FRMPD4: variants seen among roughly 807,000 people sequenced by gnomAD.
FRMPD4 encodes FERM and PDZ domain containing 4.
FRMPD4 carries 22 observed loss-of-function variants against 94.1 expected under a neutral mutation model. The ratio of observed to expected loss-of-function variants is 0.23; its 90% confidence interval spans 0.17 to 0.33. FRMPD4 has a LOEUF of 0.33. Ranked by LOEUF, FRMPD4 falls within the 10% of genes least tolerant of loss-of-function variation. The probability of loss-of-function intolerance (pLI) is 1.00; values close to 1 mark genes in which losing one functional copy is unlikely to be tolerated. For missense variants in FRMPD4, 1,111 were observed against 1,339.9 expected (o/e 0.83, Z 2.67); for synonymous variants, 631 against 548.6 (o/e 1.15, Z -2.10).
At chrX:11,880,923 G>T (rs151127315) in intron 3 of FRMPD4, among the ~76,000 whole-genome samples, 1 of 112,255 alleles carries the variant, frequency 8.9e-6, no homozygotes, top group Non-Finnish European at 1.9e-5. Context: ...GATTACAGGC[G>T]TGAGCCACTG....
At chrX:12,464,574 G>A (rs2057429141) in intron 1 of FRMPD4, among the ~76,000 whole-genome samples, 1 of 111,622 alleles carries the variant, frequency 9.0e-6, no homozygotes, top group South Asian at 3.8e-4. Context: ...TCCCAAATAG[G>A]AACATCTATT....
upstream of FRMPD4, among the ~76,000 whole-genome samples, chrX:12,137,353 T>G (rs2055610497): frequency 8.8e-6 from 1 of 113,023 alleles, no homozygotes; most frequent in Non-Finnish European, 1.9e-5. Context: ...TACTGAAGAC[T>G]TTAAATATAA....
At chrX:12,219,674 A>G (rs1397129377) in intron 1 of FRMPD4, among the ~76,000 whole-genome samples, 1 of 112,194 alleles carries the variant, frequency 8.9e-6, no homozygotes, top group Non-Finnish European at 1.9e-5. Flanking sequence ...ACAATGTTTT[A>G]TGTACCATAC....
intron 1 of FRMPD4, among the ~76,000 whole-genome samples, chrX:12,347,914 A>G (rs1480920529): frequency 9.0e-6 from 1 of 111,693 alleles, no homozygotes; most frequent in African/African-American, 3.3e-5. Context: ...AAATTTTTCC[A>G]AGCAGAATGA....
chrX:12,616,728 T>A (rs996121114), intron 4 of FRMPD4, among the ~76,000 whole-genome samples: 1 of 112,334 alleles, frequency 8.9e-6, no homozygotes, highest in African/African-American at 3.2e-5. Flanking sequence ...TTGAGATGTG[T>A]GTGGGTGTCA....
chrX:12,279,492 C>G (rs1384313295), intron 1 of FRMPD4, among the ~76,000 whole-genome samples: 1 of 112,061 alleles, frequency 8.9e-6, no homozygotes, highest in Non-Finnish European at 1.9e-5. Context: ...AGTACAGTGA[C>G]TTTTAGGCTT....
chrX:11,980,186 G>A (rs1428597982), intron 3 of FRMPD4, among the ~76,000 whole-genome samples: 3 of 111,143 alleles, frequency 2.7e-5, no homozygotes, highest in Non-Finnish European at 5.7e-5. Context: ...GTATTTTGTT[G>A]GGTTGTATTT....
intron 1 of FRMPD4, among the ~76,000 whole-genome samples, chrX:12,485,973 A>G (rs1569296223): frequency 1.8e-5 from 2 of 110,826 alleles, no homozygotes; most frequent in African/African-American, 3.3e-5. Context: ...TTCAGGAGCC[A>G]TATTTTGTTT....
intron 2 of FRMPD4, among the ~76,000 whole-genome samples, chrX:12,584,998 G>A (rs2058911265): frequency 9.0e-6 from 1 of 111,414 alleles, no homozygotes; most frequent in Non-Finnish European, 1.9e-5. Flanking sequence ...TCTGTTCACT[G>A]CAACCTCCGC....
chrX:12,056,864 A>G (rs2054857304), intron 3 of FRMPD4, among the ~76,000 whole-genome samples: 1 of 111,999 alleles, frequency 8.9e-6, no homozygotes, highest in South Asian at 3.7e-4. Context: ...GTTTTATTAT[A>G]GCAAATAATG....
At chrX:12,560,255 A>G in intron 2 of FRMPD4, among the ~76,000 whole-genome samples, 1 of 110,431 alleles carries the variant, frequency 9.1e-6, no homozygotes, top group East Asian at 2.8e-4. Context: ...AGAGTTGCCC[A>G]AACTACATGA....
At chrX:12,708,591 T>A (rs760121219) in intron 13 of FRMPD4, among the ~76,000 whole-genome samples, 1 of 110,591 alleles carries the variant, frequency 9.0e-6, no homozygotes, top group African/African-American at 3.3e-5. Context: ...TAGAGATGAG[T>A]TATTGGATTT....
intron 1 of FRMPD4, among the ~76,000 whole-genome samples, chrX:12,157,791 C>T (rs5979525): frequency 0.27 from 30,555 of 111,743 alleles, 3,193 homozygotes; most frequent in Non-Finnish European, 0.35. Context: ...CTGGCGATGG[C>T]CATAGATTGA....
In FRMPD4 at chrX:11,898,006, C is replaced by A. The variant is rs980183129; in HGVS notation, c.95+19988C>A. Among the ~76,000 whole-genome samples, 4 of 111,194 alleles carry A rather than the reference C, an allele frequency of 3.6e-5. No individual in the cohort carries two copies. The East Asian group carries it at 1.1e-3, about 31-fold the overall frequency. On this transcript the variant is annotated intron_variant, in intron 3 of 18. Transcript: ENST00000640291. ...CCAGAAGGAAATGAGAGGTTTAGCCCATGCAGATAAATGGGGACAGAGTAT... is the reference window on the plus strand; with the variant it reads ...CCAGAAGGAAATGAGAGGTTTAGCCAATGCAGATAAATGGGGACAGAGTAT...
At chrX:12,622,019 G>A (rs4830786) in intron 4 of FRMPD4, among the ~76,000 whole-genome samples, 1,816 of 22,057 alleles carry the variant, frequency 0.082, 38 homozygotes, top group Middle Eastern at 0.12. Flanking sequence ...AGAAAGAAAG[G>A]AAGGAAGGAA....
At chrX:12,169,597 G>A (rs1206763867) in intron 1 of FRMPD4, among the ~76,000 whole-genome samples, 3 of 111,545 alleles carry the variant, frequency 2.7e-5, no homozygotes, top group African/African-American at 9.8e-5. Flanking sequence ...TACTACAATG[G>A]TGAAGCTTAA....
At chrX:11,971,405 T>C (rs1048002353) in intron 3 of FRMPD4, among the ~76,000 whole-genome samples, 11 of 113,085 alleles carry the variant, frequency 9.7e-5, no homozygotes, top group African/African-American at 3.5e-4. Context: ...AACACATATT[T>C]GTATAAATTT....
chrX:12,018,256 T>C (rs1042278781), intron 3 of FRMPD4, among the ~76,000 whole-genome samples: 3 of 111,061 alleles, frequency 2.7e-5, no homozygotes, highest in Non-Finnish European at 3.8e-5. Context: ...GTATCATGCC[T>C]TTCTCTCAGC....
intron 1 of FRMPD4, among the ~76,000 whole-genome samples, chrX:12,393,713 C>T (rs1014328618): frequency 1.1e-4 from 12 of 111,952 alleles, no homozygotes; most frequent in Non-Finnish European, 1.9e-4. Flanking sequence ...GTCTTTTGAC[C>T]AATGTCTGTC....
Sources: gnomAD v4.1 joint callset for allele counts (sites outside exome capture counted in the v4.1 genomes callset) on GRCh38, gnomAD v4.1.1 for gene constraint, MANE v1.5 for transcripts, NCBI Gene and HGNC (gene_info 2026-07-23, HGNC 2026-07-21) for gene names.